The following CTNNA3 variants were observed in gnomAD, a reference collection of about 807,000 sequenced individuals.
The protein encoded by CTNNA3 is catenin alpha-3.
A neutral mutation model predicts 95.7 loss-of-function variants in CTNNA3; 76 were observed. That is an observed-to-expected ratio of 0.79 (90% CI 0.66 to 0.96). The LOEUF is 0.96. Among genes scored for constraint, CTNNA3 ranks in the 40% least tolerant of loss-of-function variants. The pLI is 0.00. For missense variants in CTNNA3, 1,191 were observed against 1,089.8 expected, an observed-to-expected ratio of 1.09 and a Z score of -1.31; for synonymous variants, 431 against 374.4, an observed-to-expected ratio of 1.15 and a Z score of -1.74.
intron 13 of CTNNA3, among the ~76,000 whole-genome samples, chr10:66,180,672 G>A (rs774773918): frequency 8.5e-5 from 13 of 152,054 alleles, no homozygotes; most frequent in Non-Finnish European, 1.5e-4. Flanking sequence ...GTTTTCATCC[G>A]CAATATGGCA....
rs142389592 is a variant in CTNNA3, at chr10:67,267,581, T to C, written c.580-47711A>G. ...TGGGGTTTCACCGTGTTAGCCAGGA[T>C]TGTCTCGATCTTCTGACCTCGTGAT... On this transcript the variant is annotated intron_variant, in intron 5 of 17. Transcript: ENST00000433211. Among the ~76,000 whole-genome samples, 745 of 152,216 alleles carry C rather than the reference T, an allele frequency of 4.9e-3. 5 individuals carry two copies. The highest frequency in any genetic ancestry group is 0.017 in the African/African-American group (706 of 41,530).
At chr10:66,893,843 G>C (rs1279566294) in intron 7 of CTNNA3, among the ~76,000 whole-genome samples, 2 of 152,154 alleles carry the variant, frequency 1.3e-5, no homozygotes, top group Admixed American at 1.3e-4. Context: ...GTCCAAGGAA[G>C]TCCTTCTGCC....
chr10:67,661,872 G>C (rs1395814537), intron 1 of CTNNA3, among the ~76,000 whole-genome samples: 1 of 152,162 alleles, frequency 6.6e-6, no homozygotes, highest in Non-Finnish European at 1.5e-5. Context: ...AAATTTGAAA[G>C]ATTATAAATA....
intron 7 of CTNNA3, among the ~76,000 whole-genome samples, chr10:66,814,110 G>GT (rs2132271524): frequency 6.6e-6 from 1 of 152,192 alleles, no homozygotes; most frequent in South Asian, 2.1e-4. Flanking sequence ...GTGGATGATG[G>GT]TGCCATTGAG....
chr10:66,755,299 T>C (rs1326306035), intron 9 of CTNNA3, among the ~76,000 whole-genome samples: 1 of 152,138 alleles, frequency 6.6e-6, no homozygotes, highest in Non-Finnish European at 1.5e-5. Context: ...AGATTAATAG[T>C]TTGATAGATT....
At chr10:67,574,577 C>CTTTT (rs11288654) in intron 3 of CTNNA3, among the ~76,000 whole-genome samples, 3 of 116,276 alleles carry the variant, frequency 2.6e-5, no homozygotes, top group Admixed American at 8.6e-5. Flanking sequence ...AGGTTGTTAA[C>CTTTT]TTTTTTTTTT....
intron 3 of CTNNA3, among the ~76,000 whole-genome samples, chr10:67,555,359 CACG>C (rs1224878987): frequency 6.6e-6 from 1 of 152,162 alleles, no homozygotes; most frequent in East Asian, 1.9e-4. Flanking sequence ...TGGCCATTTT[CACG>C]ATATTGATTC....
intron 17 of CTNNA3, among the ~76,000 whole-genome samples, chr10:65,938,818 G>A (rs1043685656): frequency 6.6e-6 from 1 of 152,018 alleles, no homozygotes; most frequent in African/African-American, 2.4e-5. Flanking sequence ...TGAATGATAA[G>A]GGATCAAATA....
chr10:67,335,023 TAC>T (rs570507843), intron 5 of CTNNA3: 4 of 151,050 alleles, frequency 2.6e-5, no homozygotes, highest in South Asian at 2.1e-4. Flanking sequence ...CTCAATAGTA[TAC>T]ACACACACAC....
At chr10:67,554,104 G>A (rs937572726) in intron 3 of CTNNA3, among the ~76,000 whole-genome samples, 22 of 152,082 alleles carry the variant, frequency 1.4e-4, no homozygotes, top group Non-Finnish European at 2.9e-4. Context: ...CTTTTTTATG[G>A]CTGCATAGTA....
intron 11 of CTNNA3, among the ~76,000 whole-genome samples, chr10:66,429,014 A>G (rs1391857773): frequency 6.6e-6 from 1 of 152,118 alleles, no homozygotes; most frequent in African/African-American, 2.4e-5. Flanking sequence ...TAGCAAGACT[A>G]ATAAAGAAGA....
intron 13 of CTNNA3, among the ~76,000 whole-genome samples, chr10:66,199,806 T>TGTATATATATATATA (rs1554887153): frequency 1.1e-4 from 1 of 9,042 alleles, no homozygotes; most frequent in Non-Finnish European, 1.8e-4. Flanking sequence ...TATATATATA[T>TGTATATATATATATA]TTTTTTTTTT....
intron 5 of CTNNA3, among the ~76,000 whole-genome samples, chr10:67,392,227 C>G (rs750647022): frequency 5.1e-4 from 77 of 152,220 alleles, no homozygotes; most frequent in Middle Eastern, 3.4e-3. Context: ...CAAACAACCC[C>G]ATCAAAAAGT....
In CTNNA3 at chr10:67,524,395, C is replaced by CAAAAA. The variant is rs200850487; in HGVS notation, c.460-2439_460-2435dup. 6.5e-3 allele frequency among the ~76,000 whole-genome samples: 458 copies of CAAAAA among 70,152 alleles called. 4 individuals are homozygous for CAAAAA. Among genetic ancestry groups the CAAAAA allele is most frequent in the South Asian group, 9.1e-3 (24 of 2,648 alleles). 46.0% of individuals were successfully genotyped at this position (70,152 alleles called of 152,430 possible). A position where few individuals can be genotyped will look rare whatever the true frequency, so the allele number is the denominator to read the frequency against. On this transcript the variant is annotated intron_variant, in intron 4 of 17. Coordinates refer to ENST00000433211, the MANE Select transcript of CTNNA3 (RefSeq NM_013266.4). ...CCTGGGCGACAGCGAGACTCTGTCT[C>CAAAAA]AAAAAAAAAAAAAAAAAAAAAAAAA...
At chr10:67,635,681 C>T (rs539928491) in intron 2 of CTNNA3, among the ~76,000 whole-genome samples, 190 of 151,906 alleles carry the variant, frequency 1.3e-3, no homozygotes, top group African/African-American at 4.5e-3. Context: ...AAAAAAATAA[C>T]CATCTATGAC....
chr10:66,634,558 G>A (rs932003774), intron 9 of CTNNA3, among the ~76,000 whole-genome samples: 1 of 144,178 alleles, frequency 6.9e-6, no homozygotes, highest in Admixed American at 7.1e-5. Context: ...TGTTTGGAAA[G>A]GTACTCTGTG....
At chr10:67,113,224 T>C (rs1858999060) in intron 7 of CTNNA3, among the ~76,000 whole-genome samples, 1 of 152,226 alleles carries the variant, frequency 6.6e-6, no homozygotes, top group Non-Finnish European at 1.5e-5. Context: ...AGAGATACTA[T>C]TCTTTAAAAG....
At chr10:65,995,720 G>A (rs2078642815) in intron 15 of CTNNA3, among the ~76,000 whole-genome samples, 1 of 152,224 alleles carries the variant, frequency 6.6e-6, no homozygotes, top group Non-Finnish European at 1.5e-5. Context: ...GGCCATATCT[G>A]TGACAGGACA....
intron 13 of CTNNA3, among the ~76,000 whole-genome samples, chr10:66,191,353 T>C (rs1171137470): frequency 6.6e-6 from 1 of 152,136 alleles, no homozygotes; most frequent in Non-Finnish European, 1.5e-5. Flanking sequence ...TCCCTCCATG[T>C]AATGTAAACA....
Sources: gnomAD v4.1 joint callset for allele counts (sites outside exome capture counted in the v4.1 genomes callset) on GRCh38, gnomAD v4.1.1 for gene constraint, MANE v1.5 for transcripts, NCBI Gene and HGNC (gene_info 2026-07-23, HGNC 2026-07-21) for gene names.